ZRANB3: variants seen among roughly 807,000 people sequenced by gnomAD.
ZRANB3 encodes DNA annealing helicase and endonuclease ZRANB3.
In ZRANB3, 125 loss-of-function variants were observed where a neutral mutation model predicts 133.8. The ratio of observed to expected loss-of-function variants is 0.93; its 90% CI spans 0.81 to 1.08. The LOEUF (loss-of-function observed/expected upper bound fraction) is 1.08, where lower values mean the gene tolerates loss of function less well. ZRANB3 is among the 50% of genes least tolerant of loss of function. The probability of loss-of-function intolerance (pLI) is 0.00; values close to 1 mark genes in which losing one functional copy is unlikely to be tolerated. For missense variants in ZRANB3, 1,229 were observed against 1,275.5 expected, an observed-to-expected ratio of 0.96 and a Z score of 0.56; for synonymous variants, 387 against 432.7, an observed-to-expected ratio of 0.89 and a Z score of 1.31.
At chr2:135,463,006 T>C (rs1286594673) in intron 2 of ZRANB3, among the ~76,000 whole-genome samples, 1 of 152,198 alleles carries the variant, frequency 6.6e-6, no homozygotes, top group African/African-American at 2.4e-5. Context: ...TTAAGGTTAA[T>C]TTCATGTAAG....
chr2:135,245,169 CT>C (rs529292631), intron 12 of ZRANB3, among the ~76,000 whole-genome samples: 33 of 152,264 alleles, frequency 2.2e-4, no homozygotes, highest in African/African-American at 7.5e-4. Context: ...GGAAGTAAAC[CT>C]TACAAGTTAG....
chr2:135,306,576 G>A (rs1682713967), intron 8 of ZRANB3, among the ~76,000 whole-genome samples: 1 of 145,116 alleles, frequency 6.9e-6, no homozygotes, highest in African/African-American at 2.6e-5. Context: ...ACAGGCATGA[G>A]CCACCGCACC....
chr2:135,360,509 T>A (rs2104886223), intron 3 of ZRANB3, among the ~76,000 whole-genome samples: 1 of 151,764 alleles, frequency 6.6e-6, no homozygotes, highest in Middle Eastern at 3.4e-3. Context: ...ATCGAGACCA[T>A]CCTGGCTAAC....
At chr2:135,522,953 CT>C (rs1388220274) in intron 1 of ZRANB3, among the ~76,000 whole-genome samples, 1 of 152,092 alleles carries the variant, frequency 6.6e-6, no homozygotes, top group Non-Finnish European at 1.5e-5. Flanking sequence ...CAGGAATAAC[CT>C]TTTAGAAGGC....
At chr2:135,521,925 C>T (rs1211575572) in intron 1 of ZRANB3, among the ~76,000 whole-genome samples, 1 of 151,990 alleles carries the variant, frequency 6.6e-6, no homozygotes, top group African/African-American at 2.4e-5. Context: ...AGTTGGTCTC[C>T]CCTGTGTGAG....
At chr2:135,501,642 G>A (rs187793296) in intron 2 of ZRANB3, among the ~76,000 whole-genome samples, 2 of 152,138 alleles carry the variant, frequency 1.3e-5, no homozygotes, top group Non-Finnish European at 2.9e-5. Flanking sequence ...ATAGTTATTA[G>A]GTCTCTCTCA....
rs776965358 is a variant in ZRANB3 at position 135,219,031 on chromosome 2, G to C, written c.2352+46C>G. ...ATGATCATTAAAATTACTAAAACAA[G>C]TTTATTTAAAGTAAATAAAGCCATT... On this transcript the variant is annotated intron_variant, in intron 16 of 20. Transcript: ENST00000264159. The C allele has an allele frequency of 2.5e-6, 3 of 1,211,534 alleles. No individual in the cohort carries two copies. In the South Asian group the frequency reaches 5.8e-5, roughly 23 times the overall value. 75.0% of individuals were successfully genotyped at this position (1,211,534 alleles called of 1,614,324 possible).
At chr2:135,437,096 A>G (rs1453648289) in intron 2 of ZRANB3, among the ~76,000 whole-genome samples, 2 of 152,082 alleles carry the variant, frequency 1.3e-5, no homozygotes, top group Non-Finnish European at 2.9e-5. Flanking sequence ...AGTAGCTGGG[A>G]TTACAGGTGC....
At chr2:135,409,992 C>T (rs1160985408) in intron 2 of ZRANB3, among the ~76,000 whole-genome samples, 1 of 152,066 alleles carries the variant, frequency 6.6e-6, no homozygotes, top group African/African-American at 2.4e-5. Flanking sequence ...ATAGATGACA[C>T]AAACAAATGG....
intron 2 of ZRANB3, among the ~76,000 whole-genome samples, chr2:135,446,694 T>C (rs1690036498): frequency 1.3e-5 from 2 of 152,134 alleles, no homozygotes; most frequent in South Asian, 2.1e-4. Flanking sequence ...ATTAGAATGA[T>C]TAACCATGGA....
chr2:135,444,953 T>C (rs1016908752), intron 2 of ZRANB3, among the ~76,000 whole-genome samples: 1 of 152,058 alleles, frequency 6.6e-6, no homozygotes, highest in Admixed American at 6.5e-5. Context: ...CTCTGGGGAG[T>C]ATTAGTAGCC....
intron 9 of ZRANB3, among the ~76,000 whole-genome samples, chr2:135,273,686 G>A (rs1036980966): frequency 1.3e-5 from 2 of 152,120 alleles, no homozygotes; most frequent in Non-Finnish European, 2.9e-5. Flanking sequence ...TTACAGGCAT[G>A]TGCCACCACG....
intron 2 of ZRANB3, among the ~76,000 whole-genome samples, chr2:135,421,514 T>C (rs1271863462): frequency 6.6e-6 from 1 of 152,188 alleles, no homozygotes; most frequent in African/African-American, 2.4e-5. Context: ...CCTTTTATAG[T>C]AGCACTTTAA....
chr2:135,318,473 G>A (rs1210430935), intron 6 of ZRANB3, among the ~76,000 whole-genome samples: 2 of 152,096 alleles, frequency 1.3e-5, no homozygotes, highest in African/African-American at 4.8e-5. Flanking sequence ...TATGTAAGGG[G>A]TAAGATGAAT....
intron 12 of ZRANB3, among the ~76,000 whole-genome samples, chr2:135,234,725 G>C (rs993319863): frequency 6.6e-6 from 1 of 152,160 alleles, no homozygotes; most frequent in South Asian, 2.1e-4. Context: ...AAATAAAGAT[G>C]TTCTTTGGAA....
chr2:135,245,908 G>A (rs183977400), intron 12 of ZRANB3, among the ~76,000 whole-genome samples: 17 of 57,030 alleles, frequency 3.0e-4, no homozygotes, highest in African/African-American at 1.5e-3. Flanking sequence ...CCTGGGCAAC[G>A]AGATTGAAAC....
intron 1 of ZRANB3, among the ~76,000 whole-genome samples, chr2:135,526,254 C>T (rs1694158412): frequency 6.6e-6 from 1 of 151,022 alleles, no homozygotes; most frequent in African/African-American, 2.4e-5. Context: ...ACCTCCACCT[C>T]CCAGGTTCAA....
chr2:135,409,365 A>T (rs1199147407), intron 2 of ZRANB3, among the ~76,000 whole-genome samples: 1 of 152,208 alleles, frequency 6.6e-6, no homozygotes. Flanking sequence ...CACTGCATAA[A>T]CAGAATTAAA....
At chr2:135,505,269 T>C (rs1308077576) in intron 1 of ZRANB3, among the ~76,000 whole-genome samples, 1 of 152,086 alleles carries the variant, frequency 6.6e-6, no homozygotes, top group Non-Finnish European at 1.5e-5. Flanking sequence ...TTATATATTA[T>C]CTCATCTTTA....
Sources: allele counts gnomAD v4.1 joint callset (sites outside exome capture counted in the v4.1 genomes callset), GRCh38; gene constraint gnomAD v4.1.1; transcripts MANE v1.5; gene names NCBI Gene and HGNC (gene_info 2026-07-23, HGNC 2026-07-21).